The following ZNF462 variants were observed in gnomAD, a reference collection of about 807,000 sequenced individuals.
The protein encoded by ZNF462 is zinc finger PBX1-interacting protein.
In ZNF462, 10 loss-of-function variants were observed where a neutral mutation model predicts 201.9. That is an observed-to-expected ratio of 0.05 (90% CI 0.03 to 0.08). ZNF462 has a LOEUF of 0.08. ZNF462 is among the 10% of genes least tolerant of loss of function. ZNF462 has a pLI of 1.00. For missense variants in ZNF462, 2,523 were observed against 3,168.3 expected, an observed-to-expected ratio of 0.80 and a Z score of 4.89; for synonymous variants, 1,227 against 1,193.3, an observed-to-expected ratio of 1.03 and a Z score of -0.58.
chr9:106,892,704 GCACACACACACACA>G (rs10568431), intron 1 of ZNF462, among the ~76,000 whole-genome samples: 1 of 131,844 alleles, frequency 7.6e-6, no homozygotes, highest in Non-Finnish European at 1.6e-5. Context: ...ACACACACAC[GCACACACACACACA>G]CACACACATG....
intron 4 of ZNF462, among the ~76,000 whole-genome samples, chr9:106,931,520 C>G (rs1830426758): frequency 1.3e-5 from 2 of 152,224 alleles, no homozygotes; most frequent in African/African-American, 2.4e-5. Context: ...CTCTACTTTT[C>G]TTCACTGAAG....
intron 1 of ZNF462, among the ~76,000 whole-genome samples, chr9:106,903,124 A>G (rs1337442024): frequency 2.6e-5 from 4 of 151,852 alleles, no homozygotes. Flanking sequence ...AGAGGTTTTG[A>G]TAGGTTGTGT....
Position 106,938,349 on chromosome 9 carries a change from A to C in ZNF462, c.6236-567A>C, listed in dbSNP as rs139978186. Among the ~76,000 whole-genome samples the C allele has an allele frequency of 1.3e-5, 2 of 152,298 alleles. No homozygotes were observed. The highest frequency in any genetic ancestry group is 3.9e-4 in the East Asian group (2 of 5,188). On this transcript the variant is annotated intron_variant, in intron 6 of 12. Transcript: ENST00000277225. This position sits in a 1 kb window ranked among gnomAD's most constrained non-coding sequence, Gnocchi z 4.4. ...TGACTAGATAAGGAAATGGAGTTCT[A>C]TGCTGAGGTTTATGAACTGGTCCAA...
At chr9:106,897,220 A>G (rs1424990908) in intron 1 of ZNF462, among the ~76,000 whole-genome samples, 2 of 152,204 alleles carry the variant, frequency 1.3e-5, no homozygotes, top group African/African-American at 4.8e-5. Context: ...CTATATTTAT[A>G]TATTTGCATC....
chr9:106,951,463 C>G (rs765305551), intron 7 of ZNF462, among the ~76,000 whole-genome samples: 1 of 152,050 alleles, frequency 6.6e-6, no homozygotes, highest in Non-Finnish European at 1.5e-5. Context: ...AAGCAAAAAA[C>G]AAGGGTAAGA....
Position 106,928,855 on chromosome 9 carries a change from A to T in ZNF462, c.4943A>T (p.His1648Leu), listed in dbSNP as rs544061647. The change falls in exon 3 of 13, where the codon CAC (histidine) becomes CTC (leucine). Residue 1648 changes from histidine (H) to leucine (L), a missense_variant. His to Leu is a moderately conservative substitution (Grantham distance 99). This residue lies in a region of ZNF462 where 200 missense variants were observed against 281.3 expected (regional missense o/e 0.71). Transcript: ENST00000277225. The surrounding 1 kb of genome is among the most constrained non-coding windows in gnomAD (Gnocchi z 9.3). ...GGAGAGGAGCCCGTGTCCACTTCTCACTTCTCTACCTCCCACCTGGTCTCC... is the reference window on the plus strand; with the variant it reads ...GGAGAGGAGCCCGTGTCCACTTCTCTCTTCTCTACCTCCCACCTGGTCTCC... ...EVGEEPVSTS[H>L]FSTSHLVSHT... 3.1e-6 allele frequency: 5 copies of T among 1,613,800 alleles called. No individual in the cohort carries two copies. In the East Asian group the frequency reaches 6.7e-5, roughly 22 times the overall value.
Position 106,928,745 on chromosome 9 carries a change from G to A in ZNF462, c.4833G>A (p.Ser1611=), listed in dbSNP as rs144602357. ...CTGAATTTGATGTCTTTTCCCAGTC[G>A]CCCCCGAAGCTGCCAGTCCCCCTCG... is the stretch of plus-strand genomic sequence containing the variant. ...NQPEFDVFSQ[S]PPKLPVPLEP... Residue 1611 remains serine, a synonymous_variant, in exon 3 of 13, where the codon TCG becomes TCA. Coordinates refer to ENST00000277225, the MANE Select transcript of ZNF462 (RefSeq NM_021224.6). The surrounding 1 kb of genome is among the most constrained non-coding windows in gnomAD (Gnocchi z 9.3). 2.7e-5 allele frequency: 43 copies of A among 1,613,868 alleles called. No homozygotes were observed. In the Admixed American group the frequency reaches 3.2e-4, roughly 12 times the overall value.
intron 1 of ZNF462, among the ~76,000 whole-genome samples, chr9:106,910,373 T>G (rs1829497313): frequency 1.3e-5 from 2 of 148,992 alleles, no homozygotes; most frequent in Admixed American, 6.6e-5. Flanking sequence ...TTTTTTTTTT[T>G]TTTTTTTTTT....
chr9:106,926,421 G>T lies in ZNF462; in HGVS notation c.2509G>T (p.Gly837Cys). ...GCACAATAGTGAAAACACAGACTTTGGTGACTCTGGAAGGCTTTACTATTG... is the reference window on the plus strand; with the variant it reads ...GCACAATAGTGAAAACACAGACTTTTGTGACTCTGGAAGGCTTTACTATTG... ...TEHNSENTDF[G>C]DSGRLYYCKH... Residue 837 changes from glycine (G) to cysteine (C), a missense_variant, in exon 3 of 13, where the codon GGT (glycine) becomes TGT (cysteine). This residue lies in a region of ZNF462 where 383 missense variants were observed against 453.4 expected (regional missense o/e 0.84). Coordinates refer to ENST00000277225, the MANE Select transcript of ZNF462 (RefSeq NM_021224.6). The surrounding 1 kb of genome is among the most constrained non-coding windows in gnomAD (Gnocchi z 7.9). 2 of 1,614,128 alleles carry T rather than the reference G, an allele frequency of 1.2e-6. No individual in the cohort carries two copies. The highest frequency in any genetic ancestry group is 1.7e-6 in the Non-Finnish European group (2 of 1,180,020).
Position 106,923,628 on chromosome 9 carries a change from G to A in ZNF462, c.220+25G>A, listed in dbSNP as rs377097594. On this transcript the variant is annotated intron_variant, in intron 2 of 12. Transcript: ENST00000277225. This position sits in a 1 kb window ranked among gnomAD's most constrained non-coding sequence, Gnocchi z 5.6. ...GGTAAATCTATACTAAACTTGGCAC[G>A]GCCGATGTATTTTAATTGCTCTTGT... 85 of 1,605,764 alleles carry A rather than the reference G, an allele frequency of 5.3e-5. No homozygotes were observed. The highest frequency in any genetic ancestry group is 1.6e-4 in the Middle Eastern group (1 of 6,072).
rs567807976 is a variant in ZNF462 at position 106,946,827 on chromosome 9, A to C, written c.6427+7720A>C. Among the ~76,000 whole-genome samples, 30 of 152,128 alleles carry C rather than the reference A, an allele frequency of 2.0e-4. 1 individual carries two copies. The highest frequency in any genetic ancestry group is 8.3e-4 in the South Asian group (4 of 4,812). On this transcript the variant is annotated intron_variant, in intron 7 of 12. Transcript: ENST00000277225. The stretch of plus-strand genomic sequence containing the variant: ...CTACAAAAATATAAAAATAAAATAA[A>C]ATAAAAGTGGGAGGTGAGAATAAGA...
At position 106,924,109 on chromosome 9, in the gene ZNF462, ACTTTC is replaced by A. The variant is rs1830092685; in HGVS notation, c.221-20_221-16del. 2.1e-5 allele frequency: 33 copies of A among 1,551,662 alleles called. No homozygotes were observed. Among genetic ancestry groups the A allele is most frequent in the Non-Finnish European group, 2.9e-5 (33 of 1,147,754 alleles). Reference sequence around the variant, plus strand: ...TATTTTAATTATCTTTTGCTTTGTCACTTTCCTTATGCTTTTTCTTTAGGTCAAAA... The same window carrying A: ...TATTTTAATTATCTTTTGCTTTGTCACTTATGCTTTTTCTTTAGGTCAAAA... On this transcript the variant is annotated intron_variant, in intron 2 of 12. Transcript: ENST00000277225. This position sits in a 1 kb window ranked among gnomAD's most constrained non-coding sequence, Gnocchi z 6.2.
intron 10 of ZNF462, among the ~76,000 whole-genome samples, chr9:106,989,085 G>A (rs1294594117): frequency 1.3e-5 from 2 of 152,146 alleles, no homozygotes; most frequent in Non-Finnish European, 2.9e-5. Context: ...TTGAAGAGGA[G>A]TGGTGAGAGT....
intron 1 of ZNF462, among the ~76,000 whole-genome samples, chr9:106,908,995 C>T (rs1214294037): frequency 1.4e-4 from 14 of 102,022 alleles, no homozygotes; most frequent in African/African-American, 5.0e-4. Flanking sequence ...CTGGGTCTCA[C>T]TCTATCACCC....
chr9:106,894,009 A>G (rs145493124), intron 1 of ZNF462, among the ~76,000 whole-genome samples: 250 of 152,202 alleles, frequency 1.6e-3, no homozygotes, highest in African/African-American at 5.7e-3. Flanking sequence ...GCAACAGACT[A>G]TGTGCAAACT....
chr9:106,994,170 T>C (rs543313406), intron 10 of ZNF462, among the ~76,000 whole-genome samples: 5 of 152,272 alleles, frequency 3.3e-5, no homozygotes, highest in South Asian at 2.1e-4. Context: ...CATTCACTAA[T>C]TGAATTTACT....
chr9:106,960,374 C>T (rs1831774823), intron 7 of ZNF462, among the ~76,000 whole-genome samples: 1 of 152,162 alleles, frequency 6.6e-6, no homozygotes. Context: ...GGAGGAAGCA[C>T]TGTGGCCTTG....
chr9:106,923,297 C>G lies in ZNF462; in HGVS notation c.-30-57C>G, dbSNP rs1282064064. The G allele has an allele frequency of 7.6e-7, 1 of 1,319,442 alleles. No homozygotes were observed. Among genetic ancestry groups the G allele is most frequent in the African/African-American group, 1.4e-5 (1 of 69,208 alleles). The allele number at this position is 1,319,442 out of a possible 1,614,324, so 81.7% of individuals were successfully genotyped here. On this transcript the variant is annotated intron_variant, in intron 1 of 12. Coordinates refer to ENST00000277225, the MANE Select transcript of ZNF462 (RefSeq NM_021224.6). The surrounding 1 kb of genome is among the most constrained non-coding windows in gnomAD (Gnocchi z 5.6). The stretch of plus-strand genomic sequence containing the variant: ...ATTAATGGATATATAGCCCCATCAG[C>G]TCGAGGTATGTGATTAGTGCATTCC...
intron 1 of ZNF462, among the ~76,000 whole-genome samples, chr9:106,898,875 G>A (rs2131150368): frequency 1.3e-5 from 2 of 152,266 alleles, no homozygotes; most frequent in Middle Eastern, 6.8e-3. Context: ...GCCAGATGTA[G>A]AAGACTGAAG....
Sources: gnomAD v4.1 joint callset for allele counts (sites outside exome capture counted in the v4.1 genomes callset) on GRCh38, gnomAD v4.1.1 for gene constraint, gnomAD v4.1.1 regional missense constraint, Gnocchi (gnomAD v3.1) non-coding constraint, MANE v1.5 for transcripts, NCBI Gene and HGNC (gene_info 2026-07-23, HGNC 2026-07-21) for gene names.